The following TYW1B variants were observed in gnomAD, a reference collection of about 807,000 sequenced individuals.
TYW1B encodes S-adenosyl-L-methionine-dependent tRNA 4-demethylwyosine synthase TYW1B.
In TYW1B, 73 loss-of-function variants were observed where a neutral mutation model predicts 86.9. The observed-to-expected ratio is 0.84, with a 90% CI of 0.70 to 1.02. The LOEUF is 1.02. Ranked by LOEUF, TYW1B falls within the 50% of genes least tolerant of loss-of-function variation. TYW1B has a pLI of 0.00. For synonymous variants in TYW1B, 248 were observed against 292.8 expected, an observed-to-expected ratio of 0.85 and a Z score of 1.56; for missense variants, 637 against 827.4, an observed-to-expected ratio of 0.77 and a Z score of 2.82.
At chr7:72,626,880 A>G (rs1322469120) in intron 12 of TYW1B, among the ~76,000 whole-genome samples, 1 of 151,892 alleles carries the variant, frequency 6.6e-6, no homozygotes, top group Admixed American at 6.6e-5. Context: ...TAAAATCACA[A>G]ATCAGACTGC....
intron 11 of TYW1B, among the ~76,000 whole-genome samples, chr7:72,630,809 C>T (rs1554439711): frequency 6.6e-6 from 1 of 152,088 alleles, no homozygotes; most frequent in East Asian, 1.9e-4. Flanking sequence ...TCCAGATTCC[C>T]TTTACATACT....
chr7:72,780,000 G>A (rs1327100665), intron 6 of TYW1B, among the ~76,000 whole-genome samples: 3 of 152,052 alleles, frequency 2.0e-5, no homozygotes, highest in Non-Finnish European at 4.4e-5. Context: ...TTACTGGATG[G>A]AGCTGAAAAA....
chr7:72,698,515 G>A (rs3015936), intron 10 of TYW1B, among the ~76,000 whole-genome samples: 82,611 of 151,378 alleles, frequency 0.55, 24,474 homozygotes, highest in Non-Finnish European at 0.67. Context: ...GCATGGTGGC[G>A]CATGCCTGTA....
intron 11 of TYW1B, among the ~76,000 whole-genome samples, chr7:72,643,355 T>C (rs2844159): frequency 6.6e-6 from 1 of 152,068 alleles, no homozygotes; most frequent in African/African-American, 2.4e-5. Context: ...GGGAGGCCGA[T>C]GTGGGCGGAT....
chr7:72,607,490 GA>G (rs1486343466), intron 13 of TYW1B, among the ~76,000 whole-genome samples: 1 of 150,332 alleles, frequency 6.7e-6, no homozygotes, highest in Non-Finnish European at 1.5e-5. Context: ...GAGAAGGAGA[GA>G]GGGAGGAAGG....
chr7:72,595,222 T>C (rs1811501222), intron 13 of TYW1B, among the ~76,000 whole-genome samples: 1 of 152,232 alleles, frequency 6.6e-6, no homozygotes, highest in Non-Finnish European at 1.5e-5. Context: ...AATGATATGA[T>C]GTTATATGTA....
At chr7:72,810,777 T>C (rs1788595834) in intron 3 of TYW1B, 112 bp from the exon 4 acceptor site, 8 of 1,389,164 alleles carry the variant, frequency 5.8e-6, no homozygotes, top group Non-Finnish European at 7.7e-6. Context: ...GGTACCTTCA[T>C]AAACATGGCT....
intron 8 of TYW1B, among the ~76,000 whole-genome samples, chr7:72,742,485 T>C (rs1273198935): frequency 6.6e-6 from 1 of 152,136 alleles, no homozygotes; most frequent in Non-Finnish European, 1.5e-5. Flanking sequence ...AAAAGACAAA[T>C]GTATAAAACA....
intron 11 of TYW1B, among the ~76,000 whole-genome samples, chr7:72,656,387 C>CAA (rs2129569340): frequency 1.3e-5 from 2 of 152,200 alleles, no homozygotes; most frequent in East Asian, 3.9e-4. Flanking sequence ...GATAAGGACA[C>CAA]AAGAATGATG....
intron 6 of TYW1B, among the ~76,000 whole-genome samples, chr7:72,799,701 G>C (rs1289258333): frequency 6.6e-6 from 1 of 152,022 alleles, no homozygotes; most frequent in Non-Finnish European, 1.5e-5. Flanking sequence ...ACCTGACCTC[G>C]TGATCTGCCT....
chr7:72,628,930 G>A lies in TYW1B; in HGVS notation c.1574C>T (p.Ala525Val), dbSNP rs368655650. ...AWNVDELQAY[A>V]QLVSLGNPDF... The stretch of plus-strand genomic sequence containing the variant: ...AGGATTCCCCAGGGACACGAGCTGC[G>A]CGTAGGCCTGGAGCTCGTCCACGTT... Residue 525 changes from alanine (A) to valine (V), a missense_variant, in exon 12 of 14, where the codon GCG becomes GTG. Physicochemically the swap from Ala to Val is moderately conservative, Grantham distance 64 (BLOSUM62 0). Transcript: ENST00000620995. 4.5e-5 allele frequency: 72 copies of A among 1,594,082 alleles called. No homozygotes were observed. In the Admixed American group the frequency reaches 5.6e-4, roughly 13 times the overall value.
chr7:72,657,708 T>G (rs1416893399), intron 11 of TYW1B, among the ~76,000 whole-genome samples: 1 of 152,176 alleles, frequency 6.6e-6, no homozygotes, highest in Non-Finnish European at 1.5e-5. Flanking sequence ...AGAAAAAAAC[T>G]GCTTATCAAA....
intron 7 of TYW1B, among the ~76,000 whole-genome samples, chr7:72,746,025 G>A (rs1173498305): frequency 6.6e-6 from 1 of 151,820 alleles, no homozygotes; most frequent in Non-Finnish European, 1.5e-5. Context: ...CACCACGTCC[G>A]GCTAGTATTT....
At position 72,702,997 on chromosome 7, in the gene TYW1B, TATATATATA is replaced by T. The variant is rs1814512534; in HGVS notation, c.1371-8184_1371-8176del. Among the ~76,000 whole-genome samples, 2 of 9,884 alleles carry T rather than the reference TATATATATA, an allele frequency of 2.0e-4. 1 individual carries two copies. The highest frequency in any genetic ancestry group is 6.3e-4 in the African/African-American group (2 of 3,182). The allele number at this position is 9,884 out of a possible 152,430, so 6.5% of individuals were successfully genotyped here. ...ATCTATCTATCTATCTATATATATA[TATATATATA>T]TATATATATATATATATATATTTTT... On this transcript the variant is annotated intron_variant, in intron 10 of 13. Coordinates refer to ENST00000620995, the MANE Select transcript of TYW1B (RefSeq NM_001145440.3).
At chr7:72,657,815 C>A (rs1192032113) in intron 11 of TYW1B, among the ~76,000 whole-genome samples, 2 of 152,176 alleles carry the variant, frequency 1.3e-5, no homozygotes, top group African/African-American at 4.8e-5. Context: ...ACTAGACTGA[C>A]TGTACAAGAA....
At chr7:72,798,538 G>A (rs1406902992) in intron 6 of TYW1B, among the ~76,000 whole-genome samples, 9 of 152,090 alleles carry the variant, frequency 5.9e-5, no homozygotes, top group Non-Finnish European at 1.2e-4. Flanking sequence ...TTTTCAACCA[G>A]TATTCGACAG....
At chr7:72,790,242 G>A (rs1283183674) in intron 6 of TYW1B, among the ~76,000 whole-genome samples, 8 of 151,808 alleles carry the variant, frequency 5.3e-5, no homozygotes, top group Non-Finnish European at 8.8e-5. Context: ...CACTGTGCCC[G>A]GCCAGGAGTA....
At chr7:72,585,601 T>TG (rs1351899070) in intron 13 of TYW1B, among the ~76,000 whole-genome samples, 1 of 152,128 alleles carries the variant, frequency 6.6e-6, no homozygotes, top group Non-Finnish European at 1.5e-5. Flanking sequence ...AATTGAATCA[T>TG]GGAGGAGGGC....
intron 11 of TYW1B, among the ~76,000 whole-genome samples, chr7:72,667,468 A>T (rs1813492838): frequency 6.6e-6 from 1 of 152,198 alleles, no homozygotes; most frequent in African/African-American, 2.4e-5. Context: ...CAATCTCAGC[A>T]CTTTGGGAGG....
Sources: gnomAD v4.1 joint callset for allele counts (sites outside exome capture counted in the v4.1 genomes callset) on GRCh38, gnomAD v4.1.1 for gene constraint, MANE v1.5 for transcripts, NCBI Gene and HGNC (gene_info 2026-07-23, HGNC 2026-07-21) for gene names.